RASL11B: variants seen among roughly 807,000 people sequenced by gnomAD.
RASL11B encodes ras-like protein family member 11B.
RASL11B carries 14 observed loss-of-function variants against 22.9 expected under a neutral mutation model. That is an observed-to-expected ratio of 0.61 (90% CI 0.40 to 0.96). RASL11B has a LOEUF of 0.96. Among genes scored for constraint, RASL11B ranks in the 40% least tolerant of loss-of-function variants. RASL11B has a pLI of 0.00. For missense variants in RASL11B, 261 were observed against 322.0 expected (o/e 0.81, Z 1.45); for synonymous variants, 143 against 130.2 (o/e 1.10, Z -0.67).
In RASL11B at chr4:52,862,541, G is replaced by A; in HGVS notation, c.34G>A (p.Glu12Lys). 6.2e-7 allele frequency: 1 copy of A among 1,606,404 alleles called. No homozygotes were observed. The highest frequency in any genetic ancestry group is 8.5e-7 in the Non-Finnish European group (1 of 1,177,512). ...CATTCAGAACATGTGCACCATCGCCGAGTACCCCGCGCCGGGCAACGCCGC... is the reference window on the plus strand; with the variant it reads ...CATTCAGAACATGTGCACCATCGCCAAGTACCCCGCGCCGGGCAACGCCGC... ...RLIQNMCTIAEYPAPGNAAAS... is the reference protein window; with the variant it reads ...RLIQNMCTIAKYPAPGNAAAS... Residue 12 changes from glutamate (E) to lysine (K), a missense_variant, in exon 1 of 4, where the codon GAG becomes AAG. Glu to Lys is a moderately conservative substitution (Grantham distance 56, BLOSUM62 1). Coordinates refer to ENST00000248706, the MANE Select transcript of RASL11B (RefSeq NM_023940.3).
intron 1 of RASL11B, among the ~76,000 whole-genome samples, 169 bp from the exon 2 acceptor site, chr4:52,863,099 C>T (rs1718191381): frequency 6.6e-6 from 1 of 152,106 alleles, no homozygotes; most frequent in South Asian, 2.1e-4. Flanking sequence ...GCCTTCTAGC[C>T]CCCTCCTTTT....
In RASL11B at chr4:52,866,276, TA is replaced by T. The variant is rs1718259055; in HGVS notation, c.*472del. The T allele has an allele frequency of 6.1e-6, 1 of 164,844 alleles. No individual in the cohort carries two copies. Among genetic ancestry groups the T allele is most frequent in the Non-Finnish European group, 1.3e-5 (1 of 75,878 alleles). The allele number at this position is 164,844 out of a possible 1,614,324, so 10.2% of individuals were successfully genotyped here. A position where few individuals can be genotyped will look rare whatever the true frequency, so the allele number is the denominator to read the frequency against. On this transcript the variant is annotated 3_prime_UTR_variant, in exon 4 of 4. Coordinates refer to ENST00000248706, the MANE Select transcript of RASL11B (RefSeq NM_023940.3). ...CCAAGAGGAAGAATTGCTTTTCTCTTACCAGTATGATTTGTAACTCTGGAAC... is the reference window on the plus strand; with the variant it reads ...CCAAGAGGAAGAATTGCTTTTCTCTTCCAGTATGATTTGTAACTCTGGAAC...
Position 52,862,435 on chromosome 4 carries a change from G to C in RASL11B, c.-73G>C. 1.4e-6 allele frequency: 2 copies of C among 1,386,312 alleles called. No individual in the cohort carries two copies. The highest frequency in any genetic ancestry group is 9.5e-7 in the Non-Finnish European group (1 of 1,051,984). The allele number at this position is 1,386,312 out of a possible 1,614,324, so 85.9% of individuals were successfully genotyped here. ...CGGAGCCCCGCAGTCGGGTCCTCCCGCCCGCTCCCGCGCAGCGCTAGCATT... is the reference window on the plus strand; with the variant it reads ...CGGAGCCCCGCAGTCGGGTCCTCCCCCCCGCTCCCGCGCAGCGCTAGCATT... On this transcript the variant is annotated 5_prime_UTR_variant, in exon 1 of 4. Coordinates refer to ENST00000248706, the MANE Select transcript of RASL11B (RefSeq NM_023940.3).
At position 52,862,753 on chromosome 4, in the gene RASL11B, CT is replaced by C. The variant is rs1213656351; in HGVS notation, c.142+105del. ...CGGTGGGAGCTGCAGCCCGACCGCT[CT>C]CCGTCCCCGCGCAGGGAGCCGCTGC... On this transcript the variant is annotated intron_variant, in intron 1 of 3. Transcript: ENST00000248706. 3.0e-6 allele frequency: 4 copies of C among 1,322,416 alleles called. No homozygotes were observed. The African/African-American group carries it at 6.1e-5, about 20-fold the overall frequency. The allele number at this position is 1,322,416 out of a possible 1,614,324, so 81.9% of individuals were successfully genotyped here.
Position 52,863,284 on chromosome 4 carries a change from C to G in RASL11B, c.159C>G (p.Phe53Leu), listed in dbSNP as rs1303882772. 6.2e-7 allele frequency: 1 copy of G among 1,613,848 alleles called. No individual in the cohort carries two copies. The highest frequency in any genetic ancestry group is 8.5e-7 in the Non-Finnish European group (1 of 1,179,892). ...GACGTGCAGCACTGGTGGTCCGGTT[C>G]CTCACCAAACGATTCATCGGTGACT... ...GVGKTALVVR[F>L]LTKRFIGDYE... The change falls in exon 2 of 4, where the codon TTC (phenylalanine) becomes TTG (leucine). Residue 53 changes from phenylalanine to leucine, a missense_variant. Phe to Leu is a conservative substitution (Grantham distance 22). Transcript: ENST00000248706.
In RASL11B at chr4:52,862,429, C is replaced by T. The variant is rs1167693532; in HGVS notation, c.-79C>T. ...TTACCGCGGAGCCCCGCAGTCGGGTCCTCCCGCCCGCTCCCGCGCAGCGCT... is the reference window on the plus strand; with the variant it reads ...TTACCGCGGAGCCCCGCAGTCGGGTTCTCCCGCCCGCTCCCGCGCAGCGCT... On this transcript the variant is annotated 5_prime_UTR_variant, in exon 1 of 4. Coordinates refer to ENST00000248706, the MANE Select transcript of RASL11B (RefSeq NM_023940.3). 29 of 1,470,894 alleles carry T rather than the reference C, an allele frequency of 2.0e-5. No individual in the cohort carries two copies. The highest frequency in any genetic ancestry group is 2.6e-5 in the Non-Finnish European group (28 of 1,095,920). The allele number at this position is 1,470,894 out of a possible 1,614,324, so 91.1% of individuals were successfully genotyped here.
chr4:52,864,916 C>A (rs537316601), intron 3 of RASL11B, among the ~76,000 whole-genome samples: 14 of 152,284 alleles, frequency 9.2e-5, no homozygotes, highest in Admixed American at 2.6e-4. Context: ...TACTTGGAAT[C>A]GCTTTTGTAC....
rs1718254217 is a variant in RASL11B at position 52,866,055 on chromosome 4, C to T, written c.*250C>T. 3.9e-6 allele frequency: 2 copies of T among 517,374 alleles called. No individual in the cohort carries two copies. Among genetic ancestry groups the T allele is most frequent in the Admixed American group, 3.4e-5 (1 of 29,580 alleles). The allele number at this position is 517,374 out of a possible 1,614,324, so 32.0% of individuals were successfully genotyped here. On this transcript the variant is annotated 3_prime_UTR_variant, in exon 4 of 4. Coordinates refer to ENST00000248706, the MANE Select transcript of RASL11B (RefSeq NM_023940.3). ...TGTGAAATGTACTCTGTGTCTTTTC[C>T]TTTAGAGTGGGGAGGGGGCATAATC...
chr4:52,865,518 G>T lies in RASL11B; in HGVS notation c.460G>T (p.Ala154Ser). Residue 154 changes from alanine to serine, a missense_variant, in exon 4 of 4, where the codon GCT becomes TCT. Ala to Ser is a moderately conservative substitution (Grantham distance 99). Coordinates refer to ENST00000248706, the MANE Select transcript of RASL11B (RefSeq NM_023940.3). ...RLPVVVVANK[A>S]DLLHIKQVDP... The stretch of plus-strand genomic sequence containing the variant: ...GCCTGTGGTGGTCGTGGCCAACAAA[G>T]CTGACCTGTTGCACATCAAACAGGT... 6.2e-7 allele frequency: 1 copy of T among 1,614,226 alleles called. No homozygotes were observed. The highest frequency in any genetic ancestry group is 8.5e-7 in the Non-Finnish European group (1 of 1,180,042).
At chr4:52,863,348 A>G (rs1180092578) in intron 2 of RASL11B, 24 bp downstream of exon 2, 22 of 1,595,636 alleles carry the variant, frequency 1.4e-5, no homozygotes, top group Middle Eastern at 3.3e-4. Context: ...TTTGAGAAAA[A>G]TTCTGTCCCA....
chr4:52,865,231 C>T, intron 3 of RASL11B, 104 bp from the exon 4 acceptor site: 12 of 853,234 alleles, frequency 1.4e-5, no homozygotes, highest in East Asian at 5.1e-5. Flanking sequence ...TGGCCCTCAA[C>T]CTGGCACTAC....
Position 52,862,381 on chromosome 4 carries a change from C to G in RASL11B, c.-127C>G. On this transcript the variant is annotated 5_prime_UTR_variant, in exon 1 of 4. Coordinates refer to ENST00000248706, the MANE Select transcript of RASL11B (RefSeq NM_023940.3). ...CTCGGCCCCACCCCGCCCGTACCTG[C>G]ACTTATTTATTGTTGTTATTTCTTA... The G allele has an allele frequency of 1.2e-6, 1 of 812,314 alleles. No individual in the cohort carries two copies. Among genetic ancestry groups the G allele is most frequent in the South Asian group, 1.9e-5 (1 of 51,824 alleles). 50.3% of individuals were successfully genotyped at this position (812,314 alleles called of 1,614,324 possible).
Position 52,865,682 on chromosome 4 carries a change from C to T in RASL11B, c.624C>T (p.Ser208=). Residue 208 remains serine (S), a synonymous_variant, in exon 4 of 4, where the codon AGC becomes AGT. Coordinates refer to ENST00000248706, the MANE Select transcript of RASL11B (RefSeq NM_023940.3). Reference sequence around the variant, plus strand: ...AGGTCAGTCACAAACAGCAGCCTAGCAGTACACCCGAGAAGCGAAGAACCT... The same window carrying T: ...AGGTCAGTCACAAACAGCAGCCTAGTAGTACACCCGAGAAGCGAAGAACCT... ...CKEVSHKQQP[S]STPEKRRTSL... is the part of the protein sequence containing the mutation. 1.9e-6 allele frequency: 3 copies of T among 1,614,178 alleles called. No individual in the cohort carries two copies. Among genetic ancestry groups the T allele is most frequent in the South Asian group, 2.2e-5 (2 of 91,082 alleles).
chr4:52,866,080 C>T lies in RASL11B; in HGVS notation c.*275C>T. On this transcript the variant is annotated 3_prime_UTR_variant, in exon 4 of 4. Transcript: ENST00000248706. ...CTTTAGAGTGGGGAGGGGGCATAAT[C>T]GTTTCGGTTTCTGCATTCAACTACC... is the stretch of plus-strand genomic sequence containing the variant. The T allele has an allele frequency of 2.2e-6, 1 of 451,624 alleles. No individual in the cohort carries two copies. Among genetic ancestry groups the T allele is most frequent in the African/African-American group, 1.9e-5 (1 of 51,518 alleles). 28.0% of individuals were successfully genotyped at this position (451,624 alleles called of 1,614,324 possible). A position where few individuals can be genotyped will look rare whatever the true frequency, so the allele number is the denominator to read the frequency against.
At chr4:52,864,374 G>A (rs1718220009) in intron 2 of RASL11B, 104 bp from the exon 3 acceptor site, 3 of 674,426 alleles carry the variant, frequency 4.4e-6, no homozygotes, top group East Asian at 2.7e-5. Flanking sequence ...TCGCTGTTTT[G>A]TGTGCATTTA....
At chr4:52,865,138 T>G (rs1173856103) in intron 3 of RASL11B, among the ~76,000 whole-genome samples, 197 bp from the exon 4 acceptor site, 1 of 152,212 alleles carries the variant, frequency 6.6e-6, no homozygotes, top group African/African-American at 2.4e-5. Context: ...TGTGGTAAGC[T>G]GCACTGTTAT....
chr4:52,865,659 G>A lies in RASL11B; in HGVS notation c.601G>A (p.Val201Ile), dbSNP rs771205830. 1.2e-5 allele frequency: 19 copies of A among 1,614,130 alleles called. No individual in the cohort carries two copies. Among genetic ancestry groups the A allele is most frequent in the Non-Finnish European group, 1.4e-5 (17 of 1,180,012 alleles). Residue 201 changes from valine (V) to isoleucine (I), a missense_variant, in exon 4 of 4, where the codon GTC (valine) becomes ATC (isoleucine). Coordinates refer to ENST00000248706, the MANE Select transcript of RASL11B (RefSeq NM_023940.3). Reference sequence around the variant, plus strand: ...CGCCTTCCACGTCCTCTGTAAAGAGGTCAGTCACAAACAGCAGCCTAGCAG... The same window carrying A: ...CGCCTTCCACGTCCTCTGTAAAGAGATCAGTCACAAACAGCAGCCTAGCAG... ...YSAFHVLCKE[V>I]SHKQQPSSTP...
At chr4:52,862,782 C>T in intron 1 of RASL11B, 133 bp downstream of exon 1, 4 of 1,093,468 alleles carry the variant, frequency 3.7e-6, no homozygotes, top group Non-Finnish European at 5.0e-6. Context: ...GCCGCTGCCC[C>T]TTGGGAGTGG....
Position 52,862,674 on chromosome 4 carries a change from G to A in RASL11B, c.142+25G>A, listed in dbSNP as rs768739309. 450 of 1,538,648 alleles carry A rather than the reference G, an allele frequency of 2.9e-4. 2 individuals carry two copies. Among genetic ancestry groups the A allele is most frequent in the Admixed American group, 5.8e-4 (30 of 52,040 alleles). On this transcript the variant is annotated intron_variant, in intron 1 of 3. Transcript: ENST00000248706. ...GGTGAGTCGTCGCGCTTAGCCCTGG[G>A]TCTGGTCTTGGACGACCCCTGACGG...
Sources: allele counts gnomAD v4.1 joint callset (sites outside exome capture counted in the v4.1 genomes callset), GRCh38; gene constraint gnomAD v4.1.1; transcripts MANE v1.5; gene names NCBI Gene and HGNC (gene_info 2026-07-23, HGNC 2026-07-21).